Variants in WDR19 observed in about 807,000 individuals in gnomAD.
WDR19 encodes the protein WD repeat domain 19.
In WDR19, 121 loss-of-function variants were observed where a neutral mutation model predicts 180.0. The observed-to-expected ratio is 0.67, with a 90% CI of 0.58 to 0.78. The LOEUF (loss-of-function observed/expected upper bound fraction) is 0.78, where lower values mean the gene tolerates loss of function less well. Ranked by LOEUF, WDR19 falls within the 30% of genes least tolerant of loss-of-function variation. The pLI is 0.00. For synonymous variants in WDR19, 497 were observed against 540.7 expected (o/e 0.92, Z 1.12); for missense variants, 1,450 against 1,640.7 (o/e 0.88, Z 2.01).
At chr4:39,264,880 C>G (rs1316994320) in intron 28 of WDR19, among the ~76,000 whole-genome samples, 1 of 151,902 alleles carries the variant, frequency 6.6e-6, no homozygotes, top group Non-Finnish European at 1.5e-5. Context: ...CTCAACACCA[C>G]CCAATACTTC....
chr4:39,281,236 T>TATATATATATATAGAGAGAGAGAG (rs762298152), intron 36 of WDR19, among the ~76,000 whole-genome samples: 2 of 104,042 alleles, frequency 1.9e-5, no homozygotes, highest in Admixed American at 9.1e-5. Flanking sequence ...TATATATATA[T>TATATATATATATAGAGAGAGAGAG]AGAGAGAGAG....
intron 36 of WDR19, among the ~76,000 whole-genome samples, chr4:39,283,900 G>A (rs904848985): frequency 6.6e-6 from 1 of 152,052 alleles, no homozygotes; most frequent in African/African-American, 2.4e-5. Flanking sequence ...CGCTTGATAT[G>A]GAATTCTGAG....
intron 19 of WDR19, among the ~76,000 whole-genome samples, 167 bp from the exon 20 acceptor site, chr4:39,234,599 A>T (rs1331878122): frequency 6.6e-6 from 1 of 152,110 alleles, no homozygotes; most frequent in East Asian, 1.9e-4. Context: ...CTCTATCAAG[A>T]CCCTATTGAG....
chr4:39,186,954 C>G (rs1725625556), intron 3 of WDR19, among the ~76,000 whole-genome samples: 1 of 152,202 alleles, frequency 6.6e-6, no homozygotes, highest in Non-Finnish European at 1.5e-5. Flanking sequence ...TTTTCCATCT[C>G]TAATAAATTG....
chr4:39,243,873 A>T (rs1732227026), intron 21 of WDR19, among the ~76,000 whole-genome samples: 1 of 152,234 alleles, frequency 6.6e-6, no homozygotes, highest in Non-Finnish European at 1.5e-5. Context: ...ATGTTTCATC[A>T]TGCCTCATAG....
chr4:39,248,378 G>A (rs1285459928), intron 24 of WDR19, among the ~76,000 whole-genome samples: 1 of 152,180 alleles, frequency 6.6e-6, no homozygotes, highest in East Asian at 1.9e-4. Context: ...GGAAGAACCG[G>A]TACCAGCCAC....
intron 36 of WDR19, among the ~76,000 whole-genome samples, chr4:39,281,236 T>TATATAGAGAGAG (rs762298152): frequency 1.2e-3 from 128 of 104,004 alleles, no homozygotes; most frequent in African/African-American, 5.6e-3. Context: ...TATATATATA[T>TATATAGAGAGAG]AGAGAGAGAG....
chr4:39,240,177 TAAAAA>T, intron 20 of WDR19, 95 bp from the exon 21 acceptor site: 600 of 146,332 alleles, frequency 4.1e-3, no homozygotes, highest in South Asian at 5.3e-3. Flanking sequence ...ACCCTGTCTC[TAAAAA>T]AAAAAAAAAA....
chr4:39,207,141 A>G (rs1392923747), intron 9 of WDR19, among the ~76,000 whole-genome samples: 3 of 152,260 alleles, frequency 2.0e-5, no homozygotes, highest in Non-Finnish European at 4.4e-5. Flanking sequence ...GAAAAGAAAT[A>G]GAACCAATAA....
chr4:39,206,993 A>G (rs980849166), intron 9 of WDR19, among the ~76,000 whole-genome samples: 1 of 152,216 alleles, frequency 6.6e-6, no homozygotes, highest in African/African-American at 2.4e-5. Flanking sequence ...CATATGAAGA[A>G]TTAGGAGAAT....
intron 1 of WDR19, among the ~76,000 whole-genome samples, chr4:39,184,539 T>C (rs181503464): frequency 1.3e-5 from 2 of 151,284 alleles, no homozygotes; most frequent in Admixed American, 1.3e-4. Context: ...CCATCTCGGC[T>C]CACTGCAACC....
intron 36 of WDR19, among the ~76,000 whole-genome samples, chr4:39,283,710 C>T (rs1235259994): frequency 1.3e-5 from 2 of 152,032 alleles, no homozygotes; most frequent in Non-Finnish European, 2.9e-5. Flanking sequence ...GAAAAAAATA[C>T]AATGTAGCTT....
intron 15 of WDR19, 108 bp downstream of exon 15, chr4:39,225,141 T>C (rs920811930): frequency 7.4e-6 from 6 of 807,722 alleles, no homozygotes; most frequent in African/African-American, 5.4e-5. Flanking sequence ...GTGCCAAGGA[T>C]TGTAGTTCTT....
rs778717524 is a variant in WDR19, at chr4:39,182,554, G to C, written c.-4G>C. 6.2e-7 allele frequency: 1 copy of C among 1,613,796 alleles called. No individual in the cohort carries two copies. The highest frequency in any genetic ancestry group is 2.2e-5 in the East Asian group (1 of 44,856). Reference sequence around the variant, plus strand: ...ATAGTTCGCGTAGCGGCTCGAGCGTGGAGATGAAGGTAAATAACTTACAAA... The same window carrying C: ...ATAGTTCGCGTAGCGGCTCGAGCGTCGAGATGAAGGTAAATAACTTACAAA... On this transcript the variant is annotated 5_prime_UTR_variant, in exon 1 of 37. Coordinates refer to ENST00000399820, the MANE Select transcript of WDR19 (RefSeq NM_025132.4).
At chr4:39,182,604 C>T (rs775543407) in intron 1 of WDR19, 41 bp downstream of exon 1, 13 of 1,613,224 alleles carry the variant, frequency 8.1e-6, no homozygotes, top group Middle Eastern at 1.7e-4. Flanking sequence ...CGGGAAAACG[C>T]GACTACTGGC....
chr4:39,284,298 T>G (rs1736906146), intron 36 of WDR19, among the ~76,000 whole-genome samples: 1 of 151,596 alleles, frequency 6.6e-6, no homozygotes, highest in African/African-American at 2.4e-5. Flanking sequence ...TATATTCTAG[T>G]TCACTGACCT....
At chr4:39,249,961 T>C (rs1366943842) in intron 24 of WDR19, among the ~76,000 whole-genome samples, 3 of 152,054 alleles carry the variant, frequency 2.0e-5, no homozygotes, top group Admixed American at 6.5e-5. Context: ...TTCCAATCAA[T>C]AGAAAAAGAG....
At chr4:39,253,650 A>T (rs1202536482) in intron 25 of WDR19, among the ~76,000 whole-genome samples, 2 of 152,040 alleles carry the variant, frequency 1.3e-5, no homozygotes, top group Non-Finnish European at 1.5e-5. Context: ...GTGGTGGTGC[A>T]TGCCTGTAGT....
Position 39,218,120 on chromosome 4 carries a change from C to T in WDR19, c.1479+15C>T, listed in dbSNP as rs1319529537. 1.3e-6 allele frequency: 2 copies of T among 1,586,594 alleles called. No individual in the cohort carries two copies. The highest frequency in any genetic ancestry group is 1.7e-6 in the Non-Finnish European group (2 of 1,167,128). On this transcript the variant is annotated intron_variant, in intron 14 of 36. Coordinates refer to ENST00000399820, the MANE Select transcript of WDR19 (RefSeq NM_025132.4). ...ATGGTACAGATGTATGTATTGCCTT[C>T]TTTTTTAGAGAACACTGGGAATTTT...
Sources: gnomAD v4.1 joint callset for allele counts (sites outside exome capture counted in the v4.1 genomes callset) on GRCh38, gnomAD v4.1.1 for gene constraint, MANE v1.5 for transcripts, NCBI Gene and HGNC (gene_info 2026-07-23, HGNC 2026-07-21) for gene names.